The following MARF1 variants were observed in gnomAD, a reference collection of about 807,000 sequenced individuals.
The protein encoded by MARF1 is limkain-b1.
A neutral mutation model predicts 168.2 loss-of-function variants in MARF1; 24 were observed. That is an observed-to-expected ratio of 0.14 (90% CI 0.10 to 0.20). The LOEUF (loss-of-function observed/expected upper bound fraction) is 0.20, where lower values mean the gene tolerates loss of function less well. Ranked by LOEUF, MARF1 falls within the 10% of genes least tolerant of loss-of-function variation. MARF1 has a pLI of 1.00. For synonymous variants in MARF1, 868 were observed against 822.4 expected (o/e 1.06, Z -0.95); for missense variants, 1,744 against 2,143.6 (o/e 0.81, Z 3.68).
chr16:15,611,446 CAAA>C (rs995305393), intron 18 of MARF1, 143 bp downstream of exon 18: 4,924 of 417,452 alleles, frequency 0.012, 1 homozygote, highest in Middle Eastern at 0.014. Context: ...GACTCCGTCT[CAAA>C]AAAAAAAAAA....
chr16:15,631,286 T>C, intron 6 of MARF1, 95 bp downstream of exon 6: 1 of 836,164 alleles, frequency 1.2e-6, no homozygotes, highest in South Asian at 1.5e-5. Context: ...TTCAGCCTCT[T>C]TGGGGATACA....
chr16:15,612,118 T>G (rs1328123653), intron 17 of MARF1, among the ~76,000 whole-genome samples: 1 of 152,226 alleles, frequency 6.6e-6, no homozygotes, highest in Non-Finnish European at 1.5e-5. Flanking sequence ...GTGAGTTAAC[T>G]GGTAAAAGTC....
chr16:15,608,011 T>C (rs1461224041), intron 21 of MARF1, among the ~76,000 whole-genome samples: 1 of 152,110 alleles, frequency 6.6e-6, no homozygotes, highest in Middle Eastern at 3.2e-3. Context: ...GACCGAACCC[T>C]GGGGTGAAGA....
rs550217983 is a variant in MARF1, at chr16:15,610,980, T to C, written c.3746A>G (p.Lys1249Arg). The C allele has an allele frequency of 3.7e-6, 6 of 1,613,684 alleles. No individual in the cohort carries two copies. In the South Asian group the frequency reaches 5.5e-5, roughly 15 times the overall value. ...GCAAATGTTAAGTCACATACCTCTT[T>C]TGGGGATACAAATCACCATTTCATT... ...QDNEMVICIP[K>R]RERTQDEIER... The change falls in exon 19 of 27, where the codon AAA (lysine) becomes AGA (arginine). Residue 1249 changes from lysine to arginine, a missense_variant. This residue lies in a region of MARF1 where 543 missense variants were observed against 742.1 expected (regional missense o/e 0.73). Coordinates refer to ENST00000396368, the MANE Select transcript of MARF1 (RefSeq NM_014647.4).
At chr16:15,638,958 G>T in intron 2 of MARF1, 132 bp downstream of exon 2, 3 of 771,424 alleles carry the variant, frequency 3.9e-6, no homozygotes, top group Non-Finnish European at 5.9e-6. Context: ...GGTATAAGAG[G>T]CAATACAGGC....
At chr16:15,614,190 G>C (rs78781462) in intron 16 of MARF1, among the ~76,000 whole-genome samples, 2 of 151,754 alleles carry the variant, frequency 1.3e-5, no homozygotes, top group East Asian at 1.9e-4. Flanking sequence ...TTTTTTTAAA[G>C]ACAGAGTTTC....
chr16:15,608,723 T>G, intron 20 of MARF1: 1 of 569,652 alleles, frequency 1.8e-6, no homozygotes, highest in South Asian at 2.4e-5. Flanking sequence ...ACAGGAGATA[T>G]AAAGATAGTT....
In MARF1 at chr16:15,625,270, C is replaced by A; in HGVS notation, c.1954-97G>T. ...GATTGACTTTGAGTATCATCAAACA[C>A]TGAAATCAAAAAGGGACACGCCAAA... On this transcript the variant is annotated intron_variant, in intron 8 of 26. Transcript: ENST00000396368. 2.6e-6 allele frequency: 4 copies of A among 1,551,394 alleles called. No individual in the cohort carries two copies. The Admixed American group carries it at 6.0e-5, about 23-fold the overall frequency.
chr16:15,619,693 G>A (rs972196562), intron 13 of MARF1, among the ~76,000 whole-genome samples: 2 of 152,132 alleles, frequency 1.3e-5, no homozygotes, highest in African/African-American at 4.8e-5. Flanking sequence ...AGCTCCTCAA[G>A]GACAAGACCT....
chr16:15,642,480 CACAAAT>C (rs1244671318), intron 1 of MARF1: 1 of 152,188 alleles, frequency 6.6e-6, no homozygotes, highest in African/African-American at 2.4e-5. Context: ...GTCCAAAAGA[CACAAAT>C]GCAATTGGAC....
rs768556384 is a variant in MARF1 at position 15,604,153 on chromosome 16, C to T, written c.4413+15G>A. 5 of 1,560,760 alleles carry T rather than the reference C, an allele frequency of 3.2e-6. No individual in the cohort carries two copies. In the South Asian group the frequency reaches 5.6e-5, roughly 17 times the overall value. On this transcript the variant is annotated intron_variant, in intron 22 of 26. Coordinates refer to ENST00000396368, the MANE Select transcript of MARF1 (RefSeq NM_014647.4). ...GTTTTCAATGATAGTTCTAAAGAGCCATTAACGTGCCTACCTCAACCAAGT... is the reference window on the plus strand; with the variant it reads ...GTTTTCAATGATAGTTCTAAAGAGCTATTAACGTGCCTACCTCAACCAAGT...
At position 15,634,815 on chromosome 16, in the gene MARF1, T is replaced by G. The variant is rs1303572239; in HGVS notation, c.948A>C (p.Thr316=). Residue 316 remains threonine (T), a synonymous_variant, in exon 4 of 27, where the codon ACA becomes ACC. Transcript: ENST00000396368. ...CCAATAACAACGTGGTCTCCTTCCC[T>G]GTTCCTTTGGTTCCACAGCCATTAC... ...PLCNGCGTKG[T]GKETTLLLAT... The G allele has an allele frequency of 6.2e-7, 1 of 1,614,004 alleles. No individual in the cohort carries two copies. The highest frequency in any genetic ancestry group is 1.3e-5 in the African/African-American group (1 of 74,940).
At chr16:15,600,000 T>C (rs780272975) in intron 25 of MARF1, among the ~76,000 whole-genome samples, 6 of 152,336 alleles carry the variant, frequency 3.9e-5, no homozygotes, top group Admixed American at 6.5e-5. Context: ...GTCTAGATCC[T>C]TGGCTGGCCT....
In MARF1 at chr16:15,625,039, T is replaced by A. The variant is rs903767578; in HGVS notation, c.2088A>T (p.Glu696Asp). Residue 696 changes from glutamate (E) to aspartate (D), a missense_variant, in exon 9 of 27, where the codon GAA becomes GAT. This residue lies in a region of MARF1 where 270 missense variants were observed against 260.6 expected (regional missense o/e 1.04). Transcript: ENST00000396368. ...VSTPKNSGVA[E>D]PVYKTSQKKE... is the part of the protein sequence containing the mutation. The stretch of plus-strand genomic sequence containing the variant: ...ACTTCTGACTGGTTTTGTAAACGGG[T>A]TCTGCCACCCCCGAGTTTTTCGGCG... 1.2e-6 allele frequency: 2 copies of A among 1,614,074 alleles called. No homozygotes were observed. Among genetic ancestry groups the A allele is most frequent in the East Asian group, 2.2e-5 (1 of 44,902 alleles).
chr16:15,601,704 G>A lies in MARF1; in HGVS notation c.4626+287C>T. On this transcript the variant is annotated intron_variant, in intron 23 of 26. Coordinates refer to ENST00000396368, the MANE Select transcript of MARF1 (RefSeq NM_014647.4). ...GCGCGCCCACTGCCCTGACCGCCCT[G>A]ACTAGTTGCCTGCTTGGGGGTCTTG... 5.8e-6 allele frequency: 3 copies of A among 519,898 alleles called. No individual in the cohort carries two copies. In the Admixed American group the frequency reaches 9.5e-5, roughly 17 times the overall value. The allele number at this position is 519,898 out of a possible 1,614,324, so 32.2% of individuals were successfully genotyped here.
chr16:15,596,982 A>G (rs955413758), intron 26 of MARF1, 45 bp from the exon 27 acceptor site: 13 of 1,545,026 alleles, frequency 8.4e-6, no homozygotes, highest in African/African-American at 5.5e-5. Flanking sequence ...AGGAACTGTA[A>G]GAAGTGTGGG....
At chr16:15,639,040 A>C (rs960418098) in intron 2 of MARF1, 50 bp downstream of exon 2, 1 of 1,570,614 alleles carries the variant, frequency 6.4e-7, no homozygotes, top group Non-Finnish European at 8.7e-7. Context: ...GACCTCTCTC[A>C]TCTATTTGGA....
chr16:15,623,583 G>A (rs965137246), intron 10 of MARF1, among the ~76,000 whole-genome samples: 2 of 151,964 alleles, frequency 1.3e-5, no homozygotes, highest in African/African-American at 4.8e-5. Context: ...GCCCAGCTGT[G>A]TTTTTAATCT....
chr16:15,595,731 T>C lies in MARF1; in HGVS notation c.*962A>G, dbSNP rs1650191519. The C allele has an allele frequency of 6.6e-6, 1 of 152,252 alleles. No individual in the cohort carries two copies. The highest frequency in any genetic ancestry group is 1.9e-4 in the East Asian group (1 of 5,196). 9.4% of individuals were successfully genotyped at this position (152,252 alleles called of 1,614,324 possible). A position where few individuals can be genotyped will look rare whatever the true frequency, so the allele number is the denominator to read the frequency against. On this transcript the variant is annotated 3_prime_UTR_variant, in exon 27 of 27. Coordinates refer to ENST00000396368, the MANE Select transcript of MARF1 (RefSeq NM_014647.4). ...AAGTGGATCAACCTTGGCCTTCCTATGTGTAGGTAGAATTCCTGTCTCTTC... is the reference window on the plus strand; with the variant it reads ...AAGTGGATCAACCTTGGCCTTCCTACGTGTAGGTAGAATTCCTGTCTCTTC...
Sources: allele counts gnomAD v4.1 joint callset (sites outside exome capture counted in the v4.1 genomes callset), GRCh38; gene constraint gnomAD v4.1.1; regional missense constraint gnomAD v4.1.1; transcripts MANE v1.5; gene names NCBI Gene and HGNC (gene_info 2026-07-23, HGNC 2026-07-21).